The following ADGRA3 variants were observed in gnomAD, a reference collection of about 807,000 sequenced individuals.
ADGRA3 encodes the protein adhesion G protein-coupled receptor A3, also known as G-protein coupled receptor 125.
In ADGRA3, 56 loss-of-function variants were observed where a neutral mutation model predicts 119.8. That is an observed-to-expected ratio of 0.47 (90% CI 0.38 to 0.58). ADGRA3 has a LOEUF of 0.58. Among genes scored for constraint, ADGRA3 ranks in the 20% least tolerant of loss-of-function variants. The pLI is 0.00. For synonymous variants in ADGRA3, 607 were observed against 623.8 expected (o/e 0.97, Z 0.40); for missense variants, 1,516 against 1,649.0 (o/e 0.92, Z 1.40).
intron 14 of ADGRA3, among the ~76,000 whole-genome samples, chr4:22,411,048 T>C (rs1553873556): frequency 6.6e-6 from 1 of 152,198 alleles, no homozygotes; most frequent in Non-Finnish European, 1.5e-5. Context: ...CACAAATAGA[T>C]GCTTTAAACT....
intron 12 of ADGRA3, 106 bp downstream of exon 12, chr4:22,420,780 C>T (rs1715629835): frequency 9.2e-7 from 1 of 1,084,440 alleles, no homozygotes; most frequent in Non-Finnish European, 1.4e-6. Flanking sequence ...TACCTATCTT[C>T]CTGCAAAAAA....
At chr4:22,452,859 C>T (rs1255241050) in intron 4 of ADGRA3, among the ~76,000 whole-genome samples, 1 of 152,014 alleles carries the variant, frequency 6.6e-6, no homozygotes, top group Non-Finnish European at 1.5e-5. Flanking sequence ...TAACAAAAGC[C>T]TACTTCACAG....
intron 17 of ADGRA3, 44 bp downstream of exon 17, chr4:22,392,501 A>T: frequency 6.2e-7 from 1 of 1,603,056 alleles, no homozygotes; most frequent in South Asian, 1.1e-5. Flanking sequence ...TTATGCTTCA[A>T]TGAAAGCAAA....
At chr4:22,483,698 T>A (rs1272863417) in intron 1 of ADGRA3, among the ~76,000 whole-genome samples, 1 of 152,230 alleles carries the variant, frequency 6.6e-6, no homozygotes, top group Non-Finnish European at 1.5e-5. Flanking sequence ...AAACTGTGGT[T>A]GAATTTTAAG....
intron 1 of ADGRA3, among the ~76,000 whole-genome samples, chr4:22,474,594 T>C (rs145787122): frequency 2.7e-4 from 41 of 152,224 alleles, no homozygotes; most frequent in African/African-American, 8.9e-4. Flanking sequence ...CATCCATGAA[T>C]GAGGTGAAAA....
At chr4:22,490,910 G>A (rs4697309) in intron 1 of ADGRA3, among the ~76,000 whole-genome samples, 71,597 of 151,934 alleles carry the variant, frequency 0.47, 18,585 homozygotes, top group East Asian at 0.61. Flanking sequence ...CAGGCACAGG[G>A]AGTGAGCAGA....
chr4:22,396,334 A>C (rs777798540), intron 16 of ADGRA3, among the ~76,000 whole-genome samples: 2 of 152,202 alleles, frequency 1.3e-5, no homozygotes, highest in South Asian at 4.1e-4. Flanking sequence ...ACTACATTAC[A>C]ACCCATTTAT....
chr4:22,506,295 G>A (rs1053101379), intron 1 of ADGRA3, among the ~76,000 whole-genome samples: 5 of 152,182 alleles, frequency 3.3e-5, no homozygotes, highest in African/African-American at 4.8e-5. Context: ...GCTCATGCCT[G>A]TAATCCCAGC....
chr4:22,418,629 C>T (rs1191080241), intron 12 of ADGRA3, among the ~76,000 whole-genome samples: 1 of 152,136 alleles, frequency 6.6e-6, no homozygotes, highest in African/African-American at 2.4e-5. Flanking sequence ...GATAAAGCTA[C>T]TGAACAGTCT....
intron 3 of ADGRA3, among the ~76,000 whole-genome samples, chr4:22,459,024 C>A (rs1717347536): frequency 6.6e-6 from 1 of 152,116 alleles, no homozygotes; most frequent in Admixed American, 6.5e-5. Flanking sequence ...AAGAGAAAAT[C>A]CTTTAACTCC....
At chr4:22,482,326 T>C (rs1000781447) in intron 1 of ADGRA3, among the ~76,000 whole-genome samples, 1 of 152,146 alleles carries the variant, frequency 6.6e-6, no homozygotes, top group Non-Finnish European at 1.5e-5. Context: ...AGTGATCATA[T>C]TGTGCAGTGA....
chr4:22,502,283 G>A (rs887469403), intron 1 of ADGRA3, among the ~76,000 whole-genome samples: 4 of 152,178 alleles, frequency 2.6e-5, no homozygotes, highest in African/African-American at 9.7e-5. Flanking sequence ...AGGACCAGAA[G>A]AGGAAGAAGT....
chr4:22,474,221 C>T (rs1349743036), intron 1 of ADGRA3, among the ~76,000 whole-genome samples: 1 of 152,142 alleles, frequency 6.6e-6, no homozygotes, highest in Non-Finnish European at 1.5e-5. Flanking sequence ...CAGAAAAATG[C>T]ATAACCTATG....
At chr4:22,400,922 A>T (rs1714608152) in intron 16 of ADGRA3, among the ~76,000 whole-genome samples, 1 of 152,156 alleles carries the variant, frequency 6.6e-6, no homozygotes, top group African/African-American at 2.4e-5. Flanking sequence ...CCATTTTTAT[A>T]TTTATGCTGC....
At chr4:22,465,385 C>T (rs1717617560) in intron 2 of ADGRA3, among the ~76,000 whole-genome samples, 2 of 152,086 alleles carry the variant, frequency 1.3e-5, no homozygotes, top group African/African-American at 2.4e-5. Context: ...AAACCTAGGA[C>T]TTGTGGGAGA....
chr4:22,510,902 A>G (rs560523373), intron 1 of ADGRA3, among the ~76,000 whole-genome samples: 1 of 152,300 alleles, frequency 6.6e-6, no homozygotes, highest in Admixed American at 6.5e-5. Flanking sequence ...TCTGCTTCCT[A>G]TTGTGCAAAT....
At chr4:22,498,454 A>C (rs1305028486) in intron 1 of ADGRA3, among the ~76,000 whole-genome samples, 6 of 151,376 alleles carry the variant, frequency 4.0e-5, no homozygotes, top group African/African-American at 1.5e-4. Flanking sequence ...CCTCGTCTCT[A>C]CTAAAAATAC....
intron 1 of ADGRA3, among the ~76,000 whole-genome samples, chr4:22,504,525 C>T (rs1033278236): frequency 6.6e-6 from 1 of 152,108 alleles, no homozygotes; most frequent in African/African-American, 2.4e-5. Context: ...ATCTCTAAAA[C>T]CTTATTGTCC....
At chr4:22,501,934 T>C (rs1043435220) in intron 1 of ADGRA3, among the ~76,000 whole-genome samples, 7 of 151,718 alleles carry the variant, frequency 4.6e-5, no homozygotes, top group African/African-American at 9.7e-5. Context: ...ATTTTTTTTT[T>C]CCCCATCAAG....
Sources: allele counts gnomAD v4.1 joint callset (sites outside exome capture counted in the v4.1 genomes callset), GRCh38; gene constraint gnomAD v4.1.1; transcripts MANE v1.5; gene names NCBI Gene and HGNC (gene_info 2026-07-23, HGNC 2026-07-21).